Variants in NOS1AP observed in about 807,000 individuals in gnomAD.
The protein encoded by NOS1AP is carboxyl-terminal PDZ ligand of neuronal nitric oxide synthase protein.
A neutral mutation model predicts 56.2 loss-of-function variants in NOS1AP; 21 were observed. That is an observed-to-expected ratio of 0.37 (90% CI 0.26 to 0.54). The LOEUF is 0.54. Ranked by LOEUF, NOS1AP falls within the 20% of genes least tolerant of loss-of-function variation. NOS1AP has a pLI of 0.84. For missense variants in NOS1AP, 522 were observed against 657.8 expected (o/e 0.79, Z 2.26); for synonymous variants, 270 against 274.6 (o/e 0.98, Z 0.17).
chr1:162,330,010 T>G (rs1341194435), intron 4 of NOS1AP, among the ~76,000 whole-genome samples: 1 of 152,258 alleles, frequency 6.6e-6, no homozygotes, highest in East Asian at 1.9e-4. Context: ...CTGTTAAGGT[T>G]AAGTTAACCT....
chr1:162,220,463 C>T (rs1232294097), intron 2 of NOS1AP, among the ~76,000 whole-genome samples: 1 of 152,044 alleles, frequency 6.6e-6, no homozygotes, highest in Non-Finnish European at 1.5e-5. Context: ...CTCCACATGG[C>T]CCAGCCAAAC....
At position 162,283,469 on chromosome 1, in the gene NOS1AP, T is replaced by A. The variant is rs536023873; in HGVS notation, c.178-3875T>A. On this transcript the variant is annotated intron_variant, in intron 2 of 9. Transcript: ENST00000361897. ...AGGGTTAGGAGGCAGTTTGGGAAGT[T>A]GGGAAAAAGGAAGCACTGGGGTGTC... Among the ~76,000 whole-genome samples the A allele has an allele frequency of 3.3e-5, 5 of 152,242 alleles. No homozygotes were observed. The South Asian group carries it at 1.0e-3, about 32-fold the overall frequency.
chr1:162,293,648 G>A (rs932486482), intron 3 of NOS1AP, among the ~76,000 whole-genome samples: 4 of 152,198 alleles, frequency 2.6e-5, no homozygotes, highest in African/African-American at 9.7e-5. Context: ...CCATTCAGTG[G>A]TCTTACAAAA....
intron 1 of NOS1AP, 45 bp downstream of exon 1, chr1:162,070,327 G>GGGGC (rs1424129145): frequency 1.3e-6 from 2 of 1,534,188 alleles, no homozygotes; most frequent in African/African-American, 2.7e-5. Context: ...GGCGGTTGGG[G>GGGGC]GGGCATGTTT....
intron 1 of NOS1AP, among the ~76,000 whole-genome samples, chr1:162,095,232 G>T (rs1692213254): frequency 6.6e-6 from 1 of 152,134 alleles, no homozygotes; most frequent in African/African-American, 2.4e-5. Context: ...TTGGAGGTGG[G>T]GCCTTTGGGA....
Position 162,081,755 on chromosome 1 carries a change from G to GATATAT in NOS1AP, c.105+11488_105+11493dup, listed in dbSNP as rs201239710. 2.8e-4 allele frequency among the ~76,000 whole-genome samples: 20 copies of GATATAT among 71,592 alleles called. 1 individual carries two copies. Among genetic ancestry groups the GATATAT allele is most frequent in the African/African-American group, 5.0e-4 (10 of 19,804 alleles). The allele number at this position is 71,592 out of a possible 152,430, so 47.0% of individuals were successfully genotyped here. On this transcript the variant is annotated intron_variant, in intron 1 of 9. Transcript: ENST00000361897. ...CTATATATCTATATCTATATCTATA[G>GATATAT]ATATATATATATATATATATTTTTT...
intron 4 of NOS1AP, among the ~76,000 whole-genome samples, chr1:162,315,081 G>A (rs1656188616): frequency 6.6e-6 from 1 of 152,236 alleles, no homozygotes; most frequent in Admixed American, 6.5e-5. Flanking sequence ...GATTCGCTTA[G>A]GAGGGACCTT....
chr1:162,233,055 G>A (rs912668372), intron 2 of NOS1AP, among the ~76,000 whole-genome samples: 1 of 152,180 alleles, frequency 6.6e-6, no homozygotes, highest in Non-Finnish European at 1.5e-5. Flanking sequence ...AAACTTCAGT[G>A]TGTTTTAGAA....
intron 3 of NOS1AP, among the ~76,000 whole-genome samples, chr1:162,299,996 G>A (rs958037811): frequency 2.6e-5 from 4 of 151,900 alleles, no homozygotes; most frequent in South Asian, 2.1e-4. Context: ...TACCCCTTGC[G>A]CTTTCCCCCC....
intron 2 of NOS1AP, among the ~76,000 whole-genome samples, chr1:162,263,649 A>T: frequency 6.6e-6 from 1 of 151,620 alleles, no homozygotes; most frequent in South Asian, 2.1e-4. Context: ...AGGCAATCTC[A>T]TGCACATTCA....
chr1:162,326,225 G>A (rs946702382), intron 4 of NOS1AP, among the ~76,000 whole-genome samples: 12 of 152,178 alleles, frequency 7.9e-5, no homozygotes, highest in Non-Finnish European at 1.8e-4. Context: ...GCAGGTCCTG[G>A]GCTTGCTGGG....
At chr1:162,196,997 C>T (rs969838030) in intron 2 of NOS1AP, among the ~76,000 whole-genome samples, 3 of 152,170 alleles carry the variant, frequency 2.0e-5, no homozygotes, top group South Asian at 2.1e-4. Flanking sequence ...AGGAGTGGTT[C>T]GAATAGAGTT....
chr1:162,190,771 CT>C (rs1397321687), intron 2 of NOS1AP, among the ~76,000 whole-genome samples: 1 of 152,138 alleles, frequency 6.6e-6, no homozygotes, highest in African/African-American at 2.4e-5. Context: ...TCCCCCTACC[CT>C]TCCCAGCCTC....
intron 2 of NOS1AP, among the ~76,000 whole-genome samples, chr1:162,221,531 C>T (rs1032972347): frequency 2.7e-4 from 12 of 44,794 alleles, no homozygotes; most frequent in African/African-American, 3.7e-4. Flanking sequence ...CACACACACG[C>T]GCGCACACAC....
chr1:162,117,961 C>T (rs1648038449), intron 1 of NOS1AP, among the ~76,000 whole-genome samples: 1 of 152,220 alleles, frequency 6.6e-6, no homozygotes, highest in African/African-American at 2.4e-5. Flanking sequence ...CACTTTCTTA[C>T]CACACATCAG....
chr1:162,285,395 G>A lies in NOS1AP; in HGVS notation c.178-1949G>A, dbSNP rs528245123. ...CAGCCGACTTGCAGATTGTAATGCC[G>A]GTTCTCCCACCCAGAGGTTATTTGA... On this transcript the variant is annotated intron_variant, in intron 2 of 9. Coordinates refer to ENST00000361897, the MANE Select transcript of NOS1AP (RefSeq NM_014697.3). Among the ~76,000 whole-genome samples the A allele has an allele frequency of 1.5e-4, 23 of 152,302 alleles. No homozygotes were observed. The South Asian group carries it at 3.9e-3, about 26-fold the overall frequency.
chr1:162,149,428 G>A (rs1649616108), intron 1 of NOS1AP, among the ~76,000 whole-genome samples: 1 of 152,220 alleles, frequency 6.6e-6, no homozygotes, highest in South Asian at 2.1e-4. Context: ...AGTATGTCTG[G>A]TCTTAGATGG....
In NOS1AP at chr1:162,188,323, T is replaced by C. The variant is rs1651507503; in HGVS notation, c.177+33847T>C. ...AGTATTCTGTTCCACAAACTTCTGCTTAATGAGATAATTCTTCTCTATATT... is the reference window on the plus strand; with the variant it reads ...AGTATTCTGTTCCACAAACTTCTGCCTAATGAGATAATTCTTCTCTATATT... On this transcript the variant is annotated intron_variant, in intron 2 of 9. Coordinates refer to ENST00000361897, the MANE Select transcript of NOS1AP (RefSeq NM_014697.3). The surrounding 1 kb of genome is among the most constrained non-coding windows in gnomAD (Gnocchi z 4.0). 6.6e-6 allele frequency among the ~76,000 whole-genome samples: 1 copy of C among 152,254 alleles called. No individual in the cohort carries two copies. Among genetic ancestry groups the C allele is most frequent in the African/African-American group, 2.4e-5 (1 of 41,466 alleles).
intron 2 of NOS1AP, among the ~76,000 whole-genome samples, chr1:162,155,003 G>T (rs1283992766): frequency 6.6e-6 from 1 of 151,934 alleles, no homozygotes; most frequent in Non-Finnish European, 1.5e-5. Flanking sequence ...AATGGGAGTG[G>T]AATAAGTACT....
Sources: gnomAD v4.1 joint callset for allele counts (sites outside exome capture counted in the v4.1 genomes callset) on GRCh38, gnomAD v4.1.1 for gene constraint, Gnocchi (gnomAD v3.1) non-coding constraint, MANE v1.5 for transcripts, NCBI Gene and HGNC (gene_info 2026-07-23, HGNC 2026-07-21) for gene names.